CDH22: variants seen among roughly 807,000 people sequenced by gnomAD.
The protein encoded by CDH22 is cadherin-22.
In CDH22, 30 loss-of-function variants were observed where a neutral mutation model predicts 58.4. The ratio of observed to expected loss-of-function variants is 0.51; its 90% CI spans 0.38 to 0.70. The LOEUF is 0.70. Ranked by LOEUF, CDH22 falls within the 30% of genes least tolerant of loss-of-function variation. The pLI, the probability that CDH22 is intolerant of heterozygous loss-of-function variation, is 0.00. For synonymous variants in CDH22, 513 were observed against 558.2 expected (o/e 0.92, Z 1.14); for missense variants, 1,014 against 1,233.9 (o/e 0.82, Z 2.67).
In CDH22 at chr20:46,186,830, C is replaced by T; in HGVS notation, c.1541G>A (p.Gly514Asp). The T allele has an allele frequency of 6.2e-7, 1 of 1,602,086 alleles. No individual in the cohort carries two copies. Among genetic ancestry groups the T allele is most frequent in the Non-Finnish European group, 8.5e-7 (1 of 1,173,374 alleles). The part of the protein sequence containing the change: ...EAAVCEDAKP[G>D]QLIQTISVVD... ...TCCCCACCCCCTCAGGGGTACCTGG[C>T]CTGGCTTGGCATCCTCGCATACAGC... Residue 514 changes from glycine (G) to aspartate (D), a missense_variant, in exon 9 of 12, where the codon GGC becomes GAC. Around this residue, in one of 2 missense-constraint regions of CDH22, gnomAD observed 806 missense variants for 1,038.7 expected, o/e 0.78. Transcript: ENST00000537909.
At chr20:46,236,913 G>A (rs1042891833) in intron 3 of CDH22, among the ~76,000 whole-genome samples, 7 of 152,036 alleles carry the variant, frequency 4.6e-5, no homozygotes, top group African/African-American at 1.7e-4. Flanking sequence ...AGCTGGTCTC[G>A]AACTCCTGAG....
chr20:46,287,153 T>G (rs2086580241), intron 1 of CDH22, among the ~76,000 whole-genome samples: 1 of 152,142 alleles, frequency 6.6e-6, no homozygotes, highest in African/African-American at 2.4e-5. Flanking sequence ...CTGTGTAACC[T>G]TGCATGAATA....
At chr20:46,184,364 G>T (rs192721446) in intron 10 of CDH22, among the ~76,000 whole-genome samples, 3 of 152,294 alleles carry the variant, frequency 2.0e-5, no homozygotes, top group African/African-American at 7.2e-5. Context: ...CTCCCAAAGT[G>T]TTGAGATTAC....
chr20:46,289,164 C>G (rs1197398381), intron 1 of CDH22, among the ~76,000 whole-genome samples: 1 of 152,150 alleles, frequency 6.6e-6, no homozygotes, highest in African/African-American at 2.4e-5. Flanking sequence ...GTCCTCTTGC[C>G]TGGAACACCC....
At chr20:46,200,195 T>C (rs6104500) in intron 7 of CDH22, among the ~76,000 whole-genome samples, 20,640 of 151,834 alleles carry the variant, frequency 0.14, 1,670 homozygotes, top group East Asian at 0.33. Flanking sequence ...AGGATGGTCT[T>C]GATCTCCTGA....
At chr20:46,185,740 C>T (rs1176188972) in intron 10 of CDH22, among the ~76,000 whole-genome samples, 1 of 152,152 alleles carries the variant, frequency 6.6e-6, no homozygotes, top group East Asian at 1.9e-4. Flanking sequence ...TGATGGTGTG[C>T]ATCTGTAGTG....
At chr20:46,181,692 CTTTT>C (rs1367794422) in intron 10 of CDH22, among the ~76,000 whole-genome samples, 2 of 129,168 alleles carry the variant, frequency 1.5e-5, no homozygotes, top group African/African-American at 6.0e-5. Context: ...TTCCCTCTTT[CTTTT>C]CTTTTCTTTT....
intron 8 of CDH22, among the ~76,000 whole-genome samples, chr20:46,196,995 C>T (rs117665934): frequency 0.027 from 4,038 of 152,202 alleles, 82 homozygotes; most frequent in Non-Finnish European, 0.035. Flanking sequence ...GGGTCTCGAG[C>T]CCAGTGGCTA....
chr20:46,199,154 C>T (rs1018158233), intron 8 of CDH22, among the ~76,000 whole-genome samples: 1 of 152,188 alleles, frequency 6.6e-6, no homozygotes, highest in African/African-American at 2.4e-5. Context: ...CCAGCCCTAC[C>T]CCCTTGACTT....
intron 4 of CDH22, among the ~76,000 whole-genome samples, chr20:46,226,185 A>T (rs1174126851): frequency 6.6e-6 from 1 of 151,718 alleles, no homozygotes; most frequent in South Asian, 2.1e-4. Context: ...CCTGAGCCAT[A>T]CCCTGTACCT....
At chr20:46,305,966 A>G (rs2086674611) in intron 1 of CDH22, among the ~76,000 whole-genome samples, 1 of 152,250 alleles carries the variant, frequency 6.6e-6, no homozygotes, top group African/African-American at 2.4e-5. Context: ...GAGCACGACC[A>G]GAAACATCCA....
At chr20:46,194,400 G>T (rs906757743) in intron 8 of CDH22, among the ~76,000 whole-genome samples, 2 of 152,192 alleles carry the variant, frequency 1.3e-5, no homozygotes, top group Non-Finnish European at 2.9e-5. Context: ...AGCCTCCTTA[G>T]GCCTCCTCTA....
rs770894396 is a variant in CDH22 at position 46,241,162 on chromosome 20, G to A, written c.351C>T (p.Gly117=). The change falls in exon 3 of 12, where the codon GGC becomes GGT. Residue 117 remains glycine (G), a synonymous_variant. Coordinates refer to ENST00000537909, the MANE Select transcript of CDH22 (RefSeq NM_021248.3). This position sits in a 1 kb window ranked among gnomAD's most constrained non-coding sequence, Gnocchi z 5.2. ...CCAGGCGCTCCATGGCATGAATGTC[G>A]CCTGTCAGCTCGTCGATCAGGAAGA... The part of the protein sequence containing the change: ...GTIFLIDELT[G]DIHAMERLDR... 42 of 1,614,014 alleles carry A rather than the reference G, an allele frequency of 2.6e-5. No homozygotes were observed. The highest frequency in any genetic ancestry group is 1.6e-4 in the Middle Eastern group (1 of 6,082).
Position 46,227,568 on chromosome 20 carries a change from C to A in CDH22, c.610G>T (p.Ala204Ser), listed in dbSNP as rs769766315. 6.2e-6 allele frequency: 10 copies of A among 1,612,472 alleles called. No individual in the cohort carries two copies. The highest frequency in any genetic ancestry group is 1.7e-5 in the Admixed American group (1 of 59,956). Reference protein sequence around the residue: ...DADDPTYGSSARLVYSVLDGE... With the variant: ...DADDPTYGSSSRLVYSVLDGE... Reference sequence around the variant, plus strand: ...TCCAGCACGCTGTACACCAGCCGAGCGCTGCTGCCGTACGTGGGGTCATCC... The same window carrying A: ...TCCAGCACGCTGTACACCAGCCGAGAGCTGCTGCCGTACGTGGGGTCATCC... Residue 204 changes from alanine to serine, a missense_variant, in exon 4 of 12, where the codon GCT becomes TCT. This residue lies in a region of CDH22 where 806 missense variants were observed against 1,038.7 expected (regional missense o/e 0.78). Coordinates refer to ENST00000537909, the MANE Select transcript of CDH22 (RefSeq NM_021248.3).
intron 1 of CDH22, among the ~76,000 whole-genome samples, chr20:46,272,568 GA>G (rs1450959714): frequency 4.6e-5 from 7 of 152,230 alleles, no homozygotes; most frequent in Non-Finnish European, 1.0e-4. Flanking sequence ...CGATGACTGA[GA>G]AGAAGCTGCC....
At position 46,177,992 on chromosome 20, in the gene CDH22, G is replaced by A. The variant is rs751544343; in HGVS notation, c.1869C>T (p.Ser623=). 9 of 1,613,988 alleles carry A rather than the reference G, an allele frequency of 5.6e-6. No individual in the cohort carries two copies. In the African/African-American group the frequency reaches 9.3e-5, roughly 17 times the overall value. ...CCAAGAGGGCGATGAGGGCGCCGGG[G>A]CTGAGGGAGGCGGCCATGACAAAGG... ...TTAFVMAASL[S]PGALIALLVC... is the part of the protein sequence containing the mutation. Residue 623 remains serine (S), a synonymous_variant, in exon 11 of 12, where the codon AGC becomes AGT. Coordinates refer to ENST00000537909, the MANE Select transcript of CDH22 (RefSeq NM_021248.3).
intron 4 of CDH22, among the ~76,000 whole-genome samples, chr20:46,222,710 G>C (rs1320734209): frequency 1.3e-4 from 20 of 152,230 alleles, no homozygotes; most frequent in Admixed American, 1.2e-3. Context: ...CCTGGAGCCC[G>C]TGTGATGCCT....
chr20:46,269,035 T>C (rs1243392244), intron 1 of CDH22, among the ~76,000 whole-genome samples: 4 of 152,232 alleles, frequency 2.6e-5, no homozygotes, highest in African/African-American at 9.6e-5. Context: ...GTTATCTCTC[T>C]AACGATTAGA....
At chr20:46,293,236 A>G (rs185390676) in intron 1 of CDH22, among the ~76,000 whole-genome samples, 1 of 152,224 alleles carries the variant, frequency 6.6e-6, no homozygotes, top group Admixed American at 6.5e-5. Flanking sequence ...CCACCCACAC[A>G]TTCTGTGGAC....
Sources: allele counts gnomAD v4.1 joint callset (sites outside exome capture counted in the v4.1 genomes callset), GRCh38; gene constraint gnomAD v4.1.1; regional missense constraint gnomAD v4.1.1; non-coding constraint Gnocchi (gnomAD v3.1); transcripts MANE v1.5; gene names NCBI Gene and HGNC (gene_info 2026-07-23, HGNC 2026-07-21).